AGBL1: variants seen among roughly 807,000 people sequenced by gnomAD.
The protein encoded by AGBL1 is cytosolic carboxypeptidase 4.
In AGBL1, 130 loss-of-function variants were observed where a neutral mutation model predicts 118.9. The ratio of observed to expected loss-of-function variants is 1.09; its 90% CI spans 0.95 to 1.26. The LOEUF (loss-of-function observed/expected upper bound fraction) is 1.26, where lower values mean the gene tolerates loss of function less well. AGBL1 is among the 50% of genes most tolerant of loss of function. The pLI, the probability that AGBL1 is intolerant of heterozygous loss-of-function variation, is 0.00. For synonymous variants in AGBL1, 555 were observed against 478.9 expected (o/e 1.16, Z -2.08); for missense variants, 1,584 against 1,298.1 (o/e 1.22, Z -3.38).
chr15:86,903,254 T>C (rs1348154292), intron 22 of AGBL1, among the ~76,000 whole-genome samples: 2 of 152,120 alleles, frequency 1.3e-5, no homozygotes, highest in East Asian at 3.8e-4. Flanking sequence ...TCATTTCATT[T>C]TTCTTTATAG....
chr15:86,335,913 C>G (rs1253944846), intron 17 of AGBL1, among the ~76,000 whole-genome samples: 1 of 152,194 alleles, frequency 6.6e-6, no homozygotes, highest in African/African-American at 2.4e-5. Flanking sequence ...TAAGAACATG[C>G]ATGTGTTCTG....
At chr15:86,876,652 G>A (rs186633602) in intron 22 of AGBL1, among the ~76,000 whole-genome samples, 22 of 152,256 alleles carry the variant, frequency 1.4e-4, no homozygotes, top group Admixed American at 1.3e-3. Context: ...TAGGCCATAG[G>A]CTCTGTCTTG....
At chr15:86,330,418 A>G (rs1256307960) in intron 17 of AGBL1, among the ~76,000 whole-genome samples, 1 of 152,252 alleles carries the variant, frequency 6.6e-6, no homozygotes, top group Non-Finnish European at 1.5e-5. Context: ...TTCTACGGTC[A>G]CATTCCGTAG....
chr15:86,714,350 A>T (rs1299313971), intron 22 of AGBL1, among the ~76,000 whole-genome samples: 1 of 152,176 alleles, frequency 6.6e-6, no homozygotes, highest in Non-Finnish European at 1.5e-5. Flanking sequence ...GAAGGGCAGA[A>T]CACAAGGATG....
chr15:86,737,765 C>T (rs1295907986), intron 22 of AGBL1, among the ~76,000 whole-genome samples: 1 of 152,134 alleles, frequency 6.6e-6, no homozygotes, highest in African/African-American at 2.4e-5. Flanking sequence ...ATTTCAAGAT[C>T]ACATTTCACT....
intron 22 of AGBL1, among the ~76,000 whole-genome samples, chr15:86,678,130 G>T (rs1333235803): frequency 6.6e-6 from 1 of 152,020 alleles, no homozygotes; most frequent in East Asian, 1.9e-4. Flanking sequence ...TTTTGTGGTG[G>T]GAACATTTAA....
chr15:86,722,282 G>C (rs1355521806), intron 22 of AGBL1, among the ~76,000 whole-genome samples: 1 of 152,160 alleles, frequency 6.6e-6, no homozygotes, highest in Non-Finnish European at 1.5e-5. Flanking sequence ...GTAACCAAAA[G>C]AGCATGGTAC....
chr15:86,355,282 G>A lies in AGBL1; in HGVS notation c.2375-42084G>A, dbSNP rs143207926. Among the ~76,000 whole-genome samples, 548 of 152,156 alleles carry A rather than the reference G, an allele frequency of 3.6e-3. 2 individuals carry two copies. Among genetic ancestry groups the A allele is most frequent in the African/African-American group, 0.012 (518 of 41,496 alleles). On this transcript the variant is annotated intron_variant, in intron 17 of 22. Transcript: ENST00000614907. ...GTTCTTCTTTAGTGTGGGAACATAC[G>A]CAGATATTTCAGGAAAAGTATCATA...
At chr15:86,801,975 T>C (rs2078656407) in intron 22 of AGBL1, among the ~76,000 whole-genome samples, 1 of 152,158 alleles carries the variant, frequency 6.6e-6, no homozygotes, top group Non-Finnish European at 1.5e-5. Context: ...TGGATGCTAT[T>C]ATACTTGGGA....
At chr15:86,241,312 T>C (rs1369770059) in intron 6 of AGBL1, among the ~76,000 whole-genome samples, 4 of 152,102 alleles carry the variant, frequency 2.6e-5, no homozygotes, top group African/African-American at 9.7e-5. Flanking sequence ...TGATCATTTA[T>C]TGAGCACATA....
At chr15:86,451,819 C>A (rs1041764210) in intron 18 of AGBL1, among the ~76,000 whole-genome samples, 3 of 152,066 alleles carry the variant, frequency 2.0e-5, no homozygotes, top group African/African-American at 7.2e-5. Flanking sequence ...ATGATTTGCA[C>A]ATGTCTGTAA....
rs142365269 is a variant in AGBL1, at chr15:86,896,048, A to G, written c.3159-11039A>G. Among the ~76,000 whole-genome samples the G allele has an allele frequency of 4.7e-3, 713 of 152,244 alleles. 10 individuals carry two copies. The highest frequency in any genetic ancestry group is 7.9e-3 in the Non-Finnish European group (535 of 67,984). ...ATCTTTGCTGAACTGTGTCTGTGAC[A>G]TTTAACCATTCTATTAAGCTTTTTG... On this transcript the variant is annotated intron_variant, in intron 22 of 22. Transcript: ENST00000614907.
chr15:86,625,368 T>TTTTTG (rs2084868642), intron 21 of AGBL1, among the ~76,000 whole-genome samples: 1 of 95,056 alleles, frequency 1.1e-5, no homozygotes, highest in Admixed American at 9.9e-5. Flanking sequence ...AATTAGCGTT[T>TTTTTG]TTTTTTTTTT....
rs533137877 is a variant in AGBL1 at position 86,229,620 on chromosome 15, C to A, written c.526+4669C>A. Among the ~76,000 whole-genome samples, 10 of 152,148 alleles carry A rather than the reference C, an allele frequency of 6.6e-5. No individual in the cohort carries two copies. The South Asian group carries it at 2.1e-3, about 32-fold the overall frequency. On this transcript the variant is annotated intron_variant, in intron 6 of 22. Coordinates refer to ENST00000614907, the MANE Select transcript of AGBL1 (RefSeq NM_001386094.1). ...TCATCTCTGTCTTTTCCTCTTTTTCCCTCATCCTTTTTGTCATTTCTCATT... is the reference window on the plus strand; with the variant it reads ...TCATCTCTGTCTTTTCCTCTTTTTCACTCATCCTTTTTGTCATTTCTCATT...
At chr15:86,987,708 C>T (rs191255246) in intron 23 of AGBL1, among the ~76,000 whole-genome samples, 2 of 152,162 alleles carry the variant, frequency 1.3e-5, no homozygotes, top group East Asian at 3.9e-4. Flanking sequence ...TTCATAACTA[C>T]GGTACCATAC....
intron 17 of AGBL1, among the ~76,000 whole-genome samples, chr15:86,359,624 A>C (rs566583673): frequency 1.3e-4 from 19 of 151,770 alleles, no homozygotes; most frequent in African/African-American, 3.4e-4. Flanking sequence ...GAATCAGATC[A>C]CTGGGATAGT....
At chr15:86,284,093 C>A (rs1240743475) in intron 16 of AGBL1, among the ~76,000 whole-genome samples, 1 of 150,614 alleles carries the variant, frequency 6.6e-6, no homozygotes, top group African/African-American at 2.4e-5. Context: ...AGATGGTAAC[C>A]ATTAAAGCAT....
intron 24 of AGBL1, among the ~76,000 whole-genome samples, chr15:86,994,815 AG>A (rs2081365855): frequency 6.6e-6 from 1 of 152,236 alleles, no homozygotes; most frequent in African/African-American, 2.4e-5. Flanking sequence ...TAGAACATAA[AG>A]TATATGTAAG....
intron 10 of AGBL1, 22 bp from the exon 11 acceptor site, chr15:86,264,236 G>T: frequency 6.6e-7 from 1 of 1,522,706 alleles, no homozygotes; most frequent in Non-Finnish European, 8.9e-7. Flanking sequence ...CTAACATATT[G>T]TATTCCATTT....
Sources: allele counts gnomAD v4.1 joint callset (sites outside exome capture counted in the v4.1 genomes callset), GRCh38; gene constraint gnomAD v4.1.1; transcripts MANE v1.5; gene names NCBI Gene and HGNC (gene_info 2026-07-23, HGNC 2026-07-21).